The following DPP10 variants were observed in gnomAD, a reference collection of about 807,000 sequenced individuals.
DPP10 encodes the protein dipeptidyl peptidase like 10, also known as inactive dipeptidyl peptidase 10.
A neutral mutation model predicts 120.9 loss-of-function variants in DPP10; 33 were observed. That is an observed-to-expected ratio of 0.27 (90% CI 0.21 to 0.37). The LOEUF is 0.37. Ranked by LOEUF, DPP10 falls within the 10% of genes least tolerant of loss-of-function variation. DPP10 has a pLI of 1.00. For missense variants in DPP10, 816 were observed against 942.8 expected (o/e 0.87, Z 1.76); for synonymous variants, 337 against 326.1 (o/e 1.03, Z -0.36).
intron 1 of DPP10, among the ~76,000 whole-genome samples, chr2:114,445,572 G>GT (rs1558766418): frequency 6.9e-6 from 1 of 144,852 alleles, no homozygotes; most frequent in Non-Finnish European, 1.5e-5. Flanking sequence ...GTGTGTGTGT[G>GT]TGTGTGTGTT....
chr2:114,534,385 G>A (rs1214039108), intron 1 of DPP10, among the ~76,000 whole-genome samples: 4 of 152,040 alleles, frequency 2.6e-5, no homozygotes, highest in African/African-American at 9.7e-5. Context: ...GTAAACCTAG[G>A]TACCTGTTCA....
At chr2:115,516,733 A>G (rs1304969229) in intron 4 of DPP10, among the ~76,000 whole-genome samples, 1 of 152,114 alleles carries the variant, frequency 6.6e-6, no homozygotes, top group Non-Finnish European at 1.5e-5. Flanking sequence ...GTTGTAAATT[A>G]TGAAGACATA....
chr2:115,359,703 A>G (rs2064643033), intron 3 of DPP10, among the ~76,000 whole-genome samples: 1 of 152,068 alleles, frequency 6.6e-6, no homozygotes, highest in Non-Finnish European at 1.5e-5. Flanking sequence ...GTATTCTCAA[A>G]TTTGTTTTCC....
intron 1 of DPP10, among the ~76,000 whole-genome samples, chr2:114,662,595 C>T (rs1339636020): frequency 6.6e-6 from 1 of 152,168 alleles, no homozygotes; most frequent in Non-Finnish European, 1.5e-5. Context: ...GCCGTTCTTC[C>T]CTGAGAACAC....
intron 1 of DPP10, among the ~76,000 whole-genome samples, chr2:114,817,169 T>G (rs1273801603): frequency 6.6e-6 from 1 of 152,164 alleles, no homozygotes; most frequent in Non-Finnish European, 1.5e-5. Flanking sequence ...ATGGCATGCC[T>G]TTGTGGTTGC....
chr2:114,798,708 G>T (rs1683925523), intron 1 of DPP10, among the ~76,000 whole-genome samples: 1 of 152,168 alleles, frequency 6.6e-6, no homozygotes, highest in Non-Finnish European at 1.5e-5. Context: ...GACATGCCCT[G>T]TTTCTTGCTC....
chr2:114,583,259 C>A (rs1282004154), intron 1 of DPP10, among the ~76,000 whole-genome samples: 1 of 152,154 alleles, frequency 6.6e-6, no homozygotes, highest in Non-Finnish European at 1.5e-5. Flanking sequence ...TAAGTCCCTG[C>A]CTTGTATTTT....
chr2:115,529,351 T>C (rs1317304039), intron 5 of DPP10, among the ~76,000 whole-genome samples: 2 of 151,986 alleles, frequency 1.3e-5, no homozygotes, highest in Non-Finnish European at 2.9e-5. Context: ...GTGTTTTTAG[T>C]AGAGATAAAG....
At chr2:115,769,637 C>G (rs1473209785) in intron 13 of DPP10, among the ~76,000 whole-genome samples, 2 of 151,818 alleles carry the variant, frequency 1.3e-5, no homozygotes, top group Admixed American at 6.6e-5. Flanking sequence ...TATTTATGCT[C>G]TAAATAAATG....
chr2:114,589,046 G>GC (rs1265942040), intron 1 of DPP10, among the ~76,000 whole-genome samples: 2 of 149,814 alleles, frequency 1.3e-5, no homozygotes, highest in East Asian at 4.0e-4. Flanking sequence ...TTGGGGGGGG[G>GC]GGTAGGGGAC....
chr2:115,011,837 C>A (rs772764000), intron 1 of DPP10, among the ~76,000 whole-genome samples: 4 of 152,004 alleles, frequency 2.6e-5, no homozygotes, highest in Non-Finnish European at 5.9e-5. Context: ...ACACTGAAAA[C>A]CTGTGAGTCT....
At chr2:114,597,103 A>C (rs1438642695) in intron 1 of DPP10, among the ~76,000 whole-genome samples, 3 of 152,036 alleles carry the variant, frequency 2.0e-5, no homozygotes, top group Admixed American at 2.0e-4. Context: ...GACTTAGTAC[A>C]TTATGGTGCT....
chr2:115,573,796 C>G (rs1017038738), intron 5 of DPP10, among the ~76,000 whole-genome samples: 18 of 152,058 alleles, frequency 1.2e-4, no homozygotes, highest in African/African-American at 4.3e-4. Flanking sequence ...CTCAACTGAT[C>G]TGCCCGCCTT....
At chr2:114,949,281 A>G (rs1697597888) in intron 1 of DPP10, among the ~76,000 whole-genome samples, 1 of 152,108 alleles carries the variant, frequency 6.6e-6, no homozygotes, top group African/African-American at 2.4e-5. Flanking sequence ...TTAGGAGAAC[A>G]GCATGGGGGA....
At chr2:115,537,697 C>T (rs778387087) in intron 5 of DPP10, among the ~76,000 whole-genome samples, 2 of 151,516 alleles carry the variant, frequency 1.3e-5, no homozygotes, top group Non-Finnish European at 2.9e-5. Context: ...TAATGACGCA[C>T]ATCTGCCGAA....
chr2:115,254,065 C>G (rs749141836), intron 1 of DPP10, among the ~76,000 whole-genome samples: 2 of 151,986 alleles, frequency 1.3e-5, no homozygotes, highest in Non-Finnish European at 2.9e-5. Flanking sequence ...TGCCTGCACG[C>G]TTAACACCAG....
intron 1 of DPP10, among the ~76,000 whole-genome samples, chr2:114,627,113 A>G (rs1051930512): frequency 2.6e-4 from 39 of 152,120 alleles, no homozygotes; most frequent in African/African-American, 8.9e-4. Flanking sequence ...AGCAGTCGCA[A>G]GTCGTATTTT....
chr2:115,412,041 A>G (rs1274622855), intron 3 of DPP10, among the ~76,000 whole-genome samples: 1 of 152,204 alleles, frequency 6.6e-6, no homozygotes, highest in Non-Finnish European at 1.5e-5. Context: ...AGGAACAACT[A>G]CTGTGAACCA....
At chr2:115,469,697 G>A (rs751172001) in intron 3 of DPP10, among the ~76,000 whole-genome samples, 7 of 151,954 alleles carry the variant, frequency 4.6e-5, no homozygotes, top group Non-Finnish European at 8.8e-5. Context: ...GCGGGAGCTC[G>A]AGACCAGCCT....
Sources: allele counts gnomAD v4.1 joint callset (sites outside exome capture counted in the v4.1 genomes callset), GRCh38; gene constraint gnomAD v4.1.1; transcripts MANE v1.5; gene names NCBI Gene and HGNC (gene_info 2026-07-23, HGNC 2026-07-21).